Variants in DOCK9 observed in about 807,000 individuals in gnomAD.
DOCK9 encodes dedicator of cytokinesis protein 9.
Under a neutral mutation model 263.3 loss-of-function variants are expected in DOCK9, and 89 were observed. The observed-to-expected ratio is 0.34, with a 90% CI of 0.28 to 0.40. The LOEUF (loss-of-function observed/expected upper bound fraction) is 0.40. Ranked by LOEUF, DOCK9 falls within the 10% of genes least tolerant of loss-of-function variation. The probability of loss-of-function intolerance (pLI) is 1.00; values close to 1 mark genes in which losing one functional copy is unlikely to be tolerated. For missense variants in DOCK9, 2,140 were observed against 2,603.4 expected (o/e 0.82, Z 3.87); for synonymous variants, 976 against 973.1 (o/e 1.00, Z -0.06).
rs149209651 is a variant in DOCK9 at position 98,913,151 on chromosome 13, C to A, written c.960+1177G>T. ...GGGAGGGAGATTTTACACTTGAGAA[C>A]AGCCATGTTGTCTTAAAATAAAGGT... On this transcript the variant is annotated intron_variant, in intron 9 of 52. Coordinates refer to ENST00000682017, the MANE Select transcript of DOCK9 (RefSeq NM_001366683.2). Among the ~76,000 whole-genome samples, 4 of 152,292 alleles carry A rather than the reference C, an allele frequency of 2.6e-5. No individual in the cohort carries two copies. The East Asian group carries it at 7.7e-4, about 29-fold the overall frequency.
intron 27 of DOCK9, among the ~76,000 whole-genome samples, chr13:98,878,545 G>A (rs1055904559): frequency 5.3e-5 from 8 of 152,012 alleles, no homozygotes; most frequent in Non-Finnish European, 8.8e-5. Context: ...GTGTGTCTGC[G>A]TGTGCATGTG....
intron 1 of DOCK9, among the ~76,000 whole-genome samples, chr13:99,068,053 C>A (rs958252335): frequency 6.6e-6 from 1 of 152,110 alleles, no homozygotes; most frequent in Non-Finnish European, 1.5e-5. Flanking sequence ...TTCAACCCCC[C>A]ACCTCCTGCC....
intron 19 of DOCK9, 73 bp downstream of exon 19, chr13:98,886,459 T>G (rs2045705130): frequency 7.5e-7 from 1 of 1,329,746 alleles, no homozygotes; most frequent in Admixed American, 2.1e-5. Flanking sequence ...TGAATTTTCC[T>G]TTACCAGGCA....
At chr13:99,005,466 T>A (rs1006730765) in intron 1 of DOCK9, among the ~76,000 whole-genome samples, 3 of 151,648 alleles carry the variant, frequency 2.0e-5, no homozygotes, top group Admixed American at 6.6e-5. Flanking sequence ...AAGAAAAAAA[T>A]GGGGAGTAGG....
chr13:98,857,171 T>A (rs530390814), intron 33 of DOCK9: 1 of 152,330 alleles, frequency 6.6e-6, no homozygotes, highest in South Asian at 2.1e-4. Flanking sequence ...GCAGATGGCA[T>A]CAGGAGATTT....
chr13:99,079,295 G>A (rs2042032957), intron 1 of DOCK9, among the ~76,000 whole-genome samples: 1 of 151,944 alleles, frequency 6.6e-6, no homozygotes, highest in Admixed American at 6.6e-5. Flanking sequence ...GTTAACATGG[G>A]GAGGCAACAG....
At chr13:98,971,535 A>G (rs1181612313) in intron 1 of DOCK9, among the ~76,000 whole-genome samples, 2 of 74,678 alleles carry the variant, frequency 2.7e-5, no homozygotes, top group Non-Finnish European at 5.1e-5. Context: ...GTGAAACCCC[A>G]TCTCTACTAA....
chr13:98,911,663 G>C (rs2050064701), intron 9 of DOCK9, among the ~76,000 whole-genome samples: 1 of 151,748 alleles, frequency 6.6e-6, no homozygotes, highest in African/African-American at 2.4e-5. Flanking sequence ...GGGAGGCTGA[G>C]GTGGGTGGAT....
chr13:98,931,053 G>A (rs1340456447), intron 2 of DOCK9, among the ~76,000 whole-genome samples: 1 of 152,160 alleles, frequency 6.6e-6, no homozygotes, highest in Non-Finnish European at 1.5e-5. Context: ...CTTGTTCACT[G>A]CCACATCCCC....
At chr13:98,962,652 G>GA (rs771637806) in intron 1 of DOCK9, among the ~76,000 whole-genome samples, 4,131 of 146,062 alleles carry the variant, frequency 0.028, 89 homozygotes, top group South Asian at 0.062. Context: ...AAAAAAAAAA[G>GA]AAAAAAAAAC....
At chr13:98,976,301 G>T (rs2390130) in intron 1 of DOCK9, among the ~76,000 whole-genome samples, 22,576 of 152,130 alleles carry the variant, frequency 0.15, 2,411 homozygotes, top group East Asian at 0.43. Context: ...ACTGCCTGGA[G>T]TGAGATTTAC....
chr13:99,062,703 T>G (rs2041244610), intron 1 of DOCK9, among the ~76,000 whole-genome samples: 1 of 152,198 alleles, frequency 6.6e-6, no homozygotes, highest in South Asian at 2.1e-4. Context: ...CTTTCCTGCT[T>G]TCTCAATACC....
intron 38 of DOCK9, among the ~76,000 whole-genome samples, chr13:98,840,266 CAAGT>C (rs1173976107): frequency 6.6e-6 from 1 of 152,184 alleles, no homozygotes; most frequent in African/African-American, 2.4e-5. Flanking sequence ...TTGACCCGGG[CAAGT>C]AAGGAGTGCG....
chr13:99,045,596 G>C (rs915297540), intron 1 of DOCK9, among the ~76,000 whole-genome samples: 6 of 152,252 alleles, frequency 3.9e-5, no homozygotes, highest in African/African-American at 1.4e-4. Flanking sequence ...TAAATAAATA[G>C]CTGAGAGTAG....
chr13:98,894,721 G>A (rs1038838589), intron 15 of DOCK9, among the ~76,000 whole-genome samples: 18 of 151,798 alleles, frequency 1.2e-4, no homozygotes, highest in African/African-American at 4.3e-4. Flanking sequence ...TAGTATGTAT[G>A]ATAATATATT....
chr13:98,949,384 A>G (rs371984858), intron 2 of DOCK9, among the ~76,000 whole-genome samples: 1 of 152,228 alleles, frequency 6.6e-6, no homozygotes, highest in East Asian at 1.9e-4. Context: ...GGAGTCTTAC[A>G]GAGCCTTGTA....
upstream of DOCK9, among the ~76,000 whole-genome samples, chr13:98,983,014 A>G (rs1398549224): frequency 3.3e-5 from 5 of 152,252 alleles, no homozygotes; most frequent in Non-Finnish European, 7.3e-5. Flanking sequence ...CCATCTGAGG[A>G]ATAACAATAC....
chr13:98,946,874 C>G (rs7339076), intron 2 of DOCK9, among the ~76,000 whole-genome samples: 63,553 of 151,982 alleles, frequency 0.42, 13,661 homozygotes, highest in East Asian at 0.56. Flanking sequence ...TCTCTGCCTG[C>G]CTTCTTCCAA....
chr13:98,857,261 G>C (rs2093729499), intron 33 of DOCK9: 1 of 152,208 alleles, frequency 6.6e-6, no homozygotes, highest in African/African-American at 2.4e-5. Flanking sequence ...CTTCACAACA[G>C]GCTGGTTGTT....
Sources: gnomAD v4.1 joint callset for allele counts (sites outside exome capture counted in the v4.1 genomes callset) on GRCh38, gnomAD v4.1.1 for gene constraint, MANE v1.5 for transcripts, NCBI Gene and HGNC (gene_info 2026-07-23, HGNC 2026-07-21) for gene names.